The following DLGAP1 variants were observed in gnomAD, a reference collection of about 807,000 sequenced individuals.
The protein encoded by DLGAP1 is DLG associated protein 1.
A neutral mutation model predicts 90.8 loss-of-function variants in DLGAP1; 11 were observed. The ratio of observed to expected loss-of-function variants is 0.12; its 90% CI spans 0.08 to 0.20. The LOEUF (loss-of-function observed/expected upper bound fraction) is 0.20, where lower values mean the gene tolerates loss of function less well. Ranked by LOEUF, DLGAP1 falls within the 10% of genes least tolerant of loss-of-function variation. The pLI, the probability that DLGAP1 is intolerant of heterozygous loss-of-function variation, is 1.00. For synonymous variants in DLGAP1, 558 were observed against 540.7 expected, an observed-to-expected ratio of 1.03 and a Z score of -0.44; for missense variants, 1,050 against 1,333.8, an observed-to-expected ratio of 0.79 and a Z score of 3.31.
intron 2 of DLGAP1, among the ~76,000 whole-genome samples, chr18:4,048,549 A>C (rs113592349): frequency 0.012 from 1,769 of 152,306 alleles, 24 homozygotes; most frequent in South Asian, 0.041. Flanking sequence ...ACAAGACTTA[A>C]GGAGGGTTTT....
chr18:4,347,478 A>G lies in DLGAP1; in HGVS notation c.-267+107528T>C, dbSNP rs151028978. 1.8e-3 allele frequency among the ~76,000 whole-genome samples: 268 copies of G among 152,164 alleles called. 1 individual carries two copies. The highest frequency in any genetic ancestry group is 6.1e-3 in the African/African-American group (253 of 41,542). ...AATGTTGGCATGCATAGTATTATAT[A>G]TCATATTAAGAAAATAATGAATACA... On this transcript the variant is annotated intron_variant, in intron 1 of 12. Transcript: ENST00000315677.
At chr18:3,646,463 A>G (rs2059119132) in intron 7 of DLGAP1, among the ~76,000 whole-genome samples, 1 of 152,200 alleles carries the variant, frequency 6.6e-6, no homozygotes, top group Middle Eastern at 3.2e-3. Flanking sequence ...TAATCAGATA[A>G]AGAAAAGGAA....
intron 7 of DLGAP1, among the ~76,000 whole-genome samples, chr18:3,599,613 G>A (rs531117285): frequency 1.3e-5 from 2 of 152,210 alleles, no homozygotes; most frequent in East Asian, 3.9e-4. Context: ...CAAGGACAGA[G>A]AGTTTTTTGT....
intron 1 of DLGAP1, among the ~76,000 whole-genome samples, chr18:4,367,885 T>C (rs2081813363): frequency 6.6e-6 from 1 of 152,056 alleles, no homozygotes; most frequent in Non-Finnish European, 1.5e-5. Context: ...TTTAAAGAAA[T>C]TACTACTTTA....
At chr18:3,802,445 T>C (rs953848169) in intron 5 of DLGAP1, among the ~76,000 whole-genome samples, 2 of 152,228 alleles carry the variant, frequency 1.3e-5, no homozygotes, top group African/African-American at 4.8e-5. Flanking sequence ...GGCTTCCCAT[T>C]TTTAAATACT....
chr18:4,244,017 T>C (rs1194691008), intron 1 of DLGAP1, among the ~76,000 whole-genome samples: 4 of 152,168 alleles, frequency 2.6e-5, no homozygotes, highest in Non-Finnish European at 5.9e-5. Context: ...TTTGCTTTCT[T>C]GCTCTTTTTT....
chr18:4,263,894 C>T (rs1201503846), intron 1 of DLGAP1, among the ~76,000 whole-genome samples: 1 of 152,154 alleles, frequency 6.6e-6, no homozygotes, highest in Non-Finnish European at 1.5e-5. Context: ...AAATGAATGA[C>T]TCCCTACTCA....
chr18:4,362,105 G>A (rs934945802), intron 1 of DLGAP1, among the ~76,000 whole-genome samples: 2 of 152,140 alleles, frequency 1.3e-5, no homozygotes, highest in East Asian at 3.8e-4. Flanking sequence ...AGGATGTAGA[G>A]AAACTGGAAC....
At chr18:4,129,394 C>G (rs2076280530) in intron 2 of DLGAP1, among the ~76,000 whole-genome samples, 1 of 152,106 alleles carries the variant, frequency 6.6e-6, no homozygotes, top group African/African-American at 2.4e-5. Flanking sequence ...AGTATCTCAG[C>G]ATTGTCTTTT....
chr18:4,383,569 C>T lies in DLGAP1; in HGVS notation c.-267+71437G>A, dbSNP rs140079410. On this transcript the variant is annotated intron_variant, in intron 1 of 12. Transcript: ENST00000315677. The surrounding 1 kb of genome is among the most constrained non-coding windows in gnomAD (Gnocchi z 4.0). ...AAGCTCTGTATGCACTTAGACAAAA[C>T]CGAGTATCCTTGCTCATTAAAAAAA... 6.6e-5 allele frequency among the ~76,000 whole-genome samples: 10 copies of T among 152,058 alleles called. No individual in the cohort carries two copies. The highest frequency in any genetic ancestry group is 2.4e-4 in the African/African-American group (10 of 41,494).
chr18:3,973,006 C>T (rs898604947), intron 3 of DLGAP1, among the ~76,000 whole-genome samples: 3 of 152,208 alleles, frequency 2.0e-5, no homozygotes, highest in Non-Finnish European at 4.4e-5. Flanking sequence ...CTCAAGTAAG[C>T]AAAGCCTTTT....
chr18:4,231,476 A>G (rs1296125125), intron 1 of DLGAP1, among the ~76,000 whole-genome samples: 1 of 152,098 alleles, frequency 6.6e-6, no homozygotes, highest in East Asian at 1.9e-4. Flanking sequence ...AAACTGGGGT[A>G]TTTCCTCCCT....
At chr18:3,952,587 G>T (rs1455908935) in intron 3 of DLGAP1, among the ~76,000 whole-genome samples, 21 of 152,246 alleles carry the variant, frequency 1.4e-4, no homozygotes, top group Admixed American at 1.2e-3. Flanking sequence ...GAGCCAAGGG[G>T]TGACACAGAA....
chr18:4,432,602 G>A (rs2615855), intron 1 of DLGAP1, among the ~76,000 whole-genome samples: 63 of 47,544 alleles, frequency 1.3e-3, no homozygotes, highest in Middle Eastern at 0.014. Context: ...GTGTGTGTGT[G>A]TGTGTGTGTG....
At chr18:3,687,412 T>A (rs1183990546) in intron 7 of DLGAP1, among the ~76,000 whole-genome samples, 4 of 152,208 alleles carry the variant, frequency 2.6e-5, no homozygotes, top group African/African-American at 9.6e-5. Context: ...ATAATACCAA[T>A]AATGTAAGCA....
chr18:4,405,079 T>C (rs756155065), intron 1 of DLGAP1, among the ~76,000 whole-genome samples: 4 of 152,210 alleles, frequency 2.6e-5, no homozygotes, highest in Non-Finnish European at 5.9e-5. Context: ...TTACACACAG[T>C]TGGAAAAGTA....
At position 4,337,004 on chromosome 18, in the gene DLGAP1, C is replaced by G. The variant is rs1347046681; in HGVS notation, c.-267+118002G>C. On this transcript the variant is annotated intron_variant, in intron 1 of 12. Coordinates refer to ENST00000315677, the MANE Select transcript of DLGAP1 (RefSeq NM_004746.4). ...TGGCTGGCGCCTGTAGTTCCAGCTA[C>G]TCCGGAGGCTGAGGTAGGAGAATGG... Among the ~76,000 whole-genome samples the G allele has an allele frequency of 2.0e-5, 3 of 150,230 alleles. No homozygotes were observed. The East Asian group carries it at 6.0e-4, about 30-fold the overall frequency.
chr18:4,344,753 A>C (rs924167439), intron 1 of DLGAP1, among the ~76,000 whole-genome samples: 19 of 152,124 alleles, frequency 1.2e-4, no homozygotes, highest in Non-Finnish European at 2.5e-4. Flanking sequence ...AGACCAGAGA[A>C]ACCAATCTGT....
At chr18:3,655,926 T>C in intron 7 of DLGAP1, 3 of 691,538 alleles carry the variant, frequency 4.3e-6, no homozygotes, top group South Asian at 2.1e-5. Flanking sequence ...CTTTGCAGCA[T>C]AAAATGACCA....
Sources: gnomAD v4.1 joint callset for allele counts (sites outside exome capture counted in the v4.1 genomes callset) on GRCh38, gnomAD v4.1.1 for gene constraint, Gnocchi (gnomAD v3.1) non-coding constraint, MANE v1.5 for transcripts, NCBI Gene and HGNC (gene_info 2026-07-23, HGNC 2026-07-21) for gene names.